Variants in UGT1A10 observed in about 807,000 individuals in gnomAD.
UGT1A10 encodes the protein UDP glucuronosyltransferase family 1 member A10.
In UGT1A10, 49 loss-of-function variants were observed where a neutral mutation model predicts 45.8. That is an observed-to-expected ratio of 1.07 (90% CI 0.85 to 1.36). UGT1A10 has a LOEUF of 1.36. Ranked by LOEUF, UGT1A10 falls within the 40% of genes most tolerant of loss-of-function variation. UGT1A10 has a pLI of 0.00. For synonymous variants in UGT1A10, 284 were observed against 249.7 expected, an observed-to-expected ratio of 1.14 and a Z score of -1.29; for missense variants, 745 against 668.6, an observed-to-expected ratio of 1.11 and a Z score of -1.26.
intron 1 of UGT1A10, among the ~76,000 whole-genome samples, chr2:233,641,582 GTACT>G (rs2073454006): frequency 6.6e-6 from 1 of 152,130 alleles, no homozygotes; most frequent in African/African-American, 2.4e-5. Flanking sequence ...GTATTTCTGT[GTACT>G]TACTATTACC....
intron 1 of UGT1A10, chr2:233,760,375 A>T (rs1032753915): frequency 1.2e-6 from 2 of 1,614,042 alleles, no homozygotes; most frequent in Admixed American, 1.7e-5. Context: ...TGCTGGGAAG[A>T]TACTGTTGAT....
intron 1 of UGT1A10, among the ~76,000 whole-genome samples, chr2:233,747,015 G>C (rs911515983): frequency 6.6e-6 from 1 of 151,822 alleles, no homozygotes; most frequent in African/African-American, 2.4e-5. Flanking sequence ...AGGAGTGATC[G>C]GTCTTTCCCG....
intron 1 of UGT1A10, chr2:233,729,903 G>C (rs2077945503): frequency 6.2e-7 from 1 of 1,613,906 alleles, no homozygotes; most frequent in East Asian, 2.2e-5. Flanking sequence ...TGTTCCGAGG[G>C]GACTTTGTGA....
At chr2:233,645,845 A>C (rs989868878) in intron 1 of UGT1A10, among the ~76,000 whole-genome samples, 2 of 152,076 alleles carry the variant, frequency 1.3e-5, no homozygotes, top group African/African-American at 4.8e-5. Flanking sequence ...TACCATTCTG[A>C]GGTGGAGGGA....
intron 1 of UGT1A10, among the ~76,000 whole-genome samples, chr2:233,716,590 A>T (rs1367261005): frequency 2.0e-5 from 3 of 152,194 alleles, no homozygotes; most frequent in Non-Finnish European, 2.9e-5. Flanking sequence ...TCAAAGAGCA[A>T]AAATTTTAGA....
At chr2:233,698,825 A>C (rs116279107) in intron 1 of UGT1A10, among the ~76,000 whole-genome samples, 1 of 152,246 alleles carries the variant, frequency 6.6e-6, no homozygotes, top group Non-Finnish European at 1.5e-5. Flanking sequence ...TGGAAGAGTA[A>C]GGCAGGATCA....
At chr2:233,685,924 CT>C in intron 1 of UGT1A10, among the ~76,000 whole-genome samples, 1 of 152,088 alleles carries the variant, frequency 6.6e-6, no homozygotes, top group African/African-American at 2.4e-5. Flanking sequence ...TAAATTTATC[CT>C]GATTGTCTCA....
rs907498423 is a variant in UGT1A10, at chr2:233,772,974, A to C, written c.*415A>C. The stretch of plus-strand genomic sequence containing the variant: ...GATGGTTGCAATTGATCCTTAACCA[A>C]TAATGGTCAGTCCTCATCTCTGTCG... On this transcript the variant is annotated 3_prime_UTR_variant, in exon 5 of 5. Transcript: ENST00000344644. 3.0e-5 allele frequency: 9 copies of C among 303,654 alleles called. No individual in the cohort carries two copies. The highest frequency in any genetic ancestry group is 5.7e-5 in the Non-Finnish European group (9 of 158,574). The allele number at this position is 303,654 out of a possible 1,614,324, so 18.8% of individuals were successfully genotyped here.
chr2:233,747,448 C>A (rs577048097), intron 1 of UGT1A10: 2 of 1,609,000 alleles, frequency 1.2e-6, no homozygotes, highest in East Asian at 4.5e-5. Flanking sequence ...ACCCTGACAA[C>A]CTATGCCATT....
At chr2:233,753,221 CTTCTTGTAT>C (rs979493311) in intron 1 of UGT1A10, 4 of 152,156 alleles carry the variant, frequency 2.6e-5, no homozygotes, top group African/African-American at 9.7e-5. Flanking sequence ...TATTTTGATA[CTTCTTGTAT>C]AGTTATTATT....
intron 1 of UGT1A10, chr2:233,754,702 T>A (rs1695559968): frequency 5.8e-6 from 3 of 514,810 alleles, no homozygotes; most frequent in Non-Finnish European, 1.1e-5. Context: ...GAAGTCGACA[T>A]GGACTTGAAG....
chr2:233,685,025 G>T (rs1263917221), intron 1 of UGT1A10, among the ~76,000 whole-genome samples: 1 of 152,138 alleles, frequency 6.6e-6, no homozygotes, highest in East Asian at 1.9e-4. Context: ...GTGTCTGTAT[G>T]TGCAGGTGTG....
Position 233,637,327 on chromosome 2 carries a change from A to G in UGT1A10, c.805A>G (p.Met269Val), listed in dbSNP as rs779298247. Residue 269 changes from methionine (M) to valine (V), a missense_variant, in exon 1 of 5, where the codon ATG (methionine) becomes GTG (valine). By Grantham distance (21) the Met-to-Val change is conservative. Transcript: ENST00000344644. Reference protein sequence around the residue: ...LDYPKPVMPNMIFIGGINCHQ... With the variant: ...LDYPKPVMPNVIFIGGINCHQ... Reference sequence around the variant, plus strand: ...CTATCCCAAACCCGTGATGCCCAACATGATCTTCATTGGTGGTATCAACTG... The same window carrying G: ...CTATCCCAAACCCGTGATGCCCAACGTGATCTTCATTGGTGGTATCAACTG... 8 of 1,613,988 alleles carry G rather than the reference A, an allele frequency of 5.0e-6. No homozygotes were observed. Among genetic ancestry groups the G allele is most frequent in the East Asian group, 2.2e-5 (1 of 44,888 alleles).
intron 1 of UGT1A10, chr2:233,742,605 G>A (rs1344042789): frequency 6.6e-6 from 1 of 151,892 alleles, no homozygotes; most frequent in Non-Finnish European, 1.5e-5. Context: ...TACCATAGTT[G>A]GAGAACCACG....
rs1216500349 is a variant in UGT1A10, at chr2:233,713,387, G to A, written c.856-53647G>A. On this transcript the variant is annotated intron_variant, in intron 1 of 4. Transcript: ENST00000344644. Reference sequence around the variant, plus strand: ...TACATAGGTCTTGTGTGGAGCTACTGCATAATGAGGCCCTGATCAGGCACC... The same window carrying A: ...TACATAGGTCTTGTGTGGAGCTACTACATAATGAGGCCCTGATCAGGCACC... 5.0e-6 allele frequency: 8 copies of A among 1,614,014 alleles called. No homozygotes were observed. The Admixed American group carries it at 1.0e-4, about 20-fold the overall frequency.
chr2:233,742,497 T>C (rs1691999391), intron 1 of UGT1A10, among the ~76,000 whole-genome samples: 1 of 151,968 alleles, frequency 6.6e-6, no homozygotes, highest in Non-Finnish European at 1.5e-5. Flanking sequence ...ATAGGCATCA[T>C]GGCTATCATG....
At chr2:233,755,104 A>G in intron 1 of UGT1A10, 1 of 1,334,996 alleles carries the variant, frequency 7.5e-7, no homozygotes, top group African/African-American at 1.5e-5. Flanking sequence ...GCGTCCGACA[A>G]CACCTCGTAG....
At chr2:233,692,144 A>G (rs1047287655) in intron 1 of UGT1A10, 1 of 152,200 alleles carries the variant, frequency 6.6e-6, no homozygotes, top group East Asian at 1.9e-4. Flanking sequence ...ATGGAAGCCT[A>G]CATAAAAACT....
At chr2:233,725,138 T>G (rs1450596211) in intron 1 of UGT1A10, among the ~76,000 whole-genome samples, 3 of 132,684 alleles carry the variant, frequency 2.3e-5, no homozygotes, top group Middle Eastern at 3.7e-3. Flanking sequence ...ATGGCAGCAG[T>G]ACAGTCCAGC....
Sources: gnomAD v4.1 joint callset for allele counts (sites outside exome capture counted in the v4.1 genomes callset) on GRCh38, gnomAD v4.1.1 for gene constraint, MANE v1.5 for transcripts, NCBI Gene and HGNC (gene_info 2026-07-23, HGNC 2026-07-21) for gene names.